The following PPARGC1B variants were observed in gnomAD, a reference collection of about 807,000 sequenced individuals.
The protein encoded by PPARGC1B is PPARG coactivator 1 beta, also known as peroxisome proliferator-activated receptor gamma coactivator 1-beta.
In PPARGC1B, 34 loss-of-function variants were observed where a neutral mutation model predicts 101.6. That is an observed-to-expected ratio of 0.33 (90% CI 0.25 to 0.45). The LOEUF (loss-of-function observed/expected upper bound fraction) is 0.45, where lower values mean the gene tolerates loss of function less well. Among genes scored for constraint, PPARGC1B ranks in the 20% least tolerant of loss-of-function variants. The probability of loss-of-function intolerance (pLI) is 1.00; values close to 1 mark genes in which losing one functional copy is unlikely to be tolerated. For synonymous variants in PPARGC1B, 548 were observed against 539.3 expected (o/e 1.02, Z -0.22); for missense variants, 1,234 against 1,317.6 (o/e 0.94, Z 0.98).
At chr5:149,803,012 C>A (rs1354389165) in intron 1 of PPARGC1B, among the ~76,000 whole-genome samples, 1 of 152,164 alleles carries the variant, frequency 6.6e-6, no homozygotes, top group African/African-American at 2.4e-5. Flanking sequence ...CACCTCCACC[C>A]CCTCCACTGT....
intron 10 of PPARGC1B, among the ~76,000 whole-genome samples, chr5:149,843,604 C>T (rs1361353219): frequency 6.6e-6 from 1 of 152,126 alleles, no homozygotes; most frequent in African/African-American, 2.4e-5. Context: ...AAAATTAAAC[C>T]TAGAACCCCC....
chr5:149,776,229 AAC>A (rs1756356562), intron 1 of PPARGC1B, among the ~76,000 whole-genome samples: 1 of 152,210 alleles, frequency 6.6e-6, no homozygotes, highest in South Asian at 2.1e-4. Context: ...GTAGGGGCTG[AAC>A]CATAGCCTCA....
chr5:149,840,391 G>A lies in PPARGC1B; in HGVS notation c.2694+275G>A, dbSNP rs73796291. Among the ~76,000 whole-genome samples, 1,020 of 152,330 alleles carry A rather than the reference G, an allele frequency of 6.7e-3. 14 individuals are homozygous for A. Among genetic ancestry groups the A allele is most frequent in the African/African-American group, 0.023 (956 of 41,566 alleles). ...TGTTGGTGGTGATTTAGGGCTCAGC[G>A]TCAGGGGCCTTGAGAGAGCCAAGTG... is the stretch of plus-strand genomic sequence containing the variant. On this transcript the variant is annotated intron_variant, in intron 9 of 11. Coordinates refer to ENST00000309241, the MANE Select transcript of PPARGC1B (RefSeq NM_133263.4).
At chr5:149,756,950 A>G (rs184809505) in intron 1 of PPARGC1B, among the ~76,000 whole-genome samples, 2 of 152,080 alleles carry the variant, frequency 1.3e-5, no homozygotes, top group Admixed American at 1.3e-4. Flanking sequence ...TTCTCATCCA[A>G]CCCCTGTTCA....
At chr5:149,763,929 G>A (rs896847296) in intron 1 of PPARGC1B, among the ~76,000 whole-genome samples, 9 of 152,028 alleles carry the variant, frequency 5.9e-5, no homozygotes, top group African/African-American at 1.7e-4. Context: ...GATTACAGGC[G>A]CAGCACTTCC....
intron 1 of PPARGC1B, among the ~76,000 whole-genome samples, chr5:149,755,046 CATATACATAT>C (rs1299715408): frequency 9.5e-6 from 1 of 105,604 alleles, no homozygotes; most frequent in African/African-American, 4.0e-5. Context: ...TATACATATA[CATATACATAT>C]ATATATATAT....
chr5:149,750,634 G>T (rs1330984600), intron 1 of PPARGC1B, among the ~76,000 whole-genome samples: 1 of 151,964 alleles, frequency 6.6e-6, no homozygotes, highest in African/African-American at 2.4e-5. Flanking sequence ...TTACAGAGCC[G>T]CTGCTGGCTC....
chr5:149,748,416 A>G (rs1023562276), intron 1 of PPARGC1B, among the ~76,000 whole-genome samples: 2 of 152,090 alleles, frequency 1.3e-5, no homozygotes, highest in Non-Finnish European at 2.9e-5. Context: ...GGGTGTTATG[A>G]TCAATAATAA....
rs1488529278 is a variant in PPARGC1B, at chr5:149,832,835, C to T, written c.762C>T (p.Cys254=). The change falls in exon 5 of 12, where the codon TGC becomes TGT. Residue 254 remains cysteine, a synonymous_variant. Transcript: ENST00000309241. This position sits in a 1 kb window ranked among gnomAD's most constrained non-coding sequence, Gnocchi z 4.9. ...AKEDKEPGED[C]PSPQPAPASP... Reference sequence around the variant, plus strand: ...AGGACAAGGAGCCGGGTGAGGACTGCCCGAGCCCCCAGCCAGCTCCAGCCT... The same window carrying T: ...AGGACAAGGAGCCGGGTGAGGACTGTCCGAGCCCCCAGCCAGCTCCAGCCT... 4.3e-6 allele frequency: 7 copies of T among 1,609,932 alleles called. No individual in the cohort carries two copies. In the East Asian group the frequency reaches 6.7e-5, roughly 15 times the overall value.
At position 149,833,720 on chromosome 5, in the gene PPARGC1B, TGA is replaced by T. The variant is rs769190164; in HGVS notation, c.1651_1652del (p.Ser551TrpfsTer7). 2.5e-6 allele frequency: 4 copies of T among 1,598,014 alleles called. No individual in the cohort carries two copies. Among genetic ancestry groups the T allele is most frequent in the Non-Finnish European group, 3.4e-6 (4 of 1,174,742 alleles). ...PQIPALESPC[E>X]SGCGDMDEDP... ...AGATCCCTGCCCTGGAGAGCCCCTGTGAGAGTGGGTGTGGGGACATGGATGAG... is the reference window on the plus strand; with the variant it reads ...AGATCCCTGCCCTGGAGAGCCCCTGTGAGTGGGTGTGGGGACATGGATGAG... On this transcript the variant is annotated frameshift_variant, in exon 5 of 12. Coordinates refer to ENST00000309241, the MANE Select transcript of PPARGC1B (RefSeq NM_133263.4). LOFTEE classifies it high-confidence loss of function. This position sits in a 1 kb window ranked among gnomAD's most constrained non-coding sequence, Gnocchi z 4.1.
chr5:149,781,907 C>T (rs1252334330), intron 1 of PPARGC1B, among the ~76,000 whole-genome samples: 2 of 152,116 alleles, frequency 1.3e-5, no homozygotes, highest in Non-Finnish European at 2.9e-5. Context: ...CTCTATTTGC[C>T]ATTCCTTAGT....
At chr5:149,804,789 G>A (rs941471318) in intron 1 of PPARGC1B, among the ~76,000 whole-genome samples, 5 of 152,232 alleles carry the variant, frequency 3.3e-5, no homozygotes, top group African/African-American at 1.2e-4. Flanking sequence ...GGACCTGGGG[G>A]AGGTGTCCCA....
intron 1 of PPARGC1B, among the ~76,000 whole-genome samples, chr5:149,737,422 G>C (rs1754759397): frequency 6.6e-6 from 1 of 152,134 alleles, no homozygotes; most frequent in Non-Finnish European, 1.5e-5. Flanking sequence ...CTTAGACTCA[G>C]GCTGCCCTTT....
chr5:149,761,975 G>A (rs1427384401), intron 1 of PPARGC1B, among the ~76,000 whole-genome samples: 4 of 152,030 alleles, frequency 2.6e-5, no homozygotes, highest in African/African-American at 9.7e-5. Flanking sequence ...TTTGCTCTTG[G>A]GATTTGGATA....
rs112267454 is a variant in PPARGC1B, at chr5:149,751,709, G to C, written c.78+21289G>C. Among the ~76,000 whole-genome samples the C allele has an allele frequency of 4.7e-4, 51 of 107,886 alleles. 1 individual carries two copies. The highest frequency in any genetic ancestry group is 1.6e-3 in the African/African-American group (47 of 30,204). 70.8% of individuals were successfully genotyped at this position (107,886 alleles called of 152,430 possible). A position where few individuals can be genotyped will look rare whatever the true frequency, so the allele number is the denominator to read the frequency against. On this transcript the variant is annotated intron_variant, in intron 1 of 11. Transcript: ENST00000309241. The stretch of plus-strand genomic sequence containing the variant: ...CGACAGAGGAAGACTCTGTCCAAAA[G>C]AAAAAAAAAAAAAGAAAAGAAAACT...
At chr5:149,820,281 A>G in intron 1 of PPARGC1B, 152 bp from the exon 2 acceptor site, 2 of 707,886 alleles carry the variant, frequency 2.8e-6, no homozygotes, top group Non-Finnish European at 4.8e-6. Context: ...GATTCAACCA[A>G]GGGGTGAAGC....
Position 149,817,988 on chromosome 5 carries a change from G to A in PPARGC1B, c.79-2445G>A, listed in dbSNP as rs80311307. 1.9e-3 allele frequency among the ~76,000 whole-genome samples: 290 copies of A among 152,312 alleles called. 1 individual carries two copies. The highest frequency in any genetic ancestry group is 6.7e-3 in the African/African-American group (277 of 41,570). ...AATTATCCATGTAGAACAGGACCAC[G>A]GCTGCATCCCCACAGTCTGCTTGGG... On this transcript the variant is annotated intron_variant, in intron 1 of 11. Transcript: ENST00000309241.
At chr5:149,737,776 C>T (rs1159532283) in intron 1 of PPARGC1B, among the ~76,000 whole-genome samples, 1 of 152,050 alleles carries the variant, frequency 6.6e-6, no homozygotes, top group Non-Finnish European at 1.5e-5. Context: ...GGTGGATCAC[C>T]TGAGGTCAGG....
At chr5:149,734,556 A>G (rs1177267107) in intron 1 of PPARGC1B, among the ~76,000 whole-genome samples, 3 of 152,182 alleles carry the variant, frequency 2.0e-5, no homozygotes, top group Non-Finnish European at 4.4e-5. Flanking sequence ...TACGTTGTTT[A>G]ATTTTTTTAT....
Sources: gnomAD v4.1 joint callset for allele counts (sites outside exome capture counted in the v4.1 genomes callset) on GRCh38, gnomAD v4.1.1 for gene constraint, Gnocchi (gnomAD v3.1) non-coding constraint, MANE v1.5 for transcripts, NCBI Gene and HGNC (gene_info 2026-07-23, HGNC 2026-07-21) for gene names.